The following DIRAS2 variants were observed in gnomAD, a reference collection of about 807,000 sequenced individuals.
DIRAS2 encodes the protein DIRAS family GTPase 2, also known as GTP-binding protein Di-Ras2.
A neutral mutation model predicts 13.9 loss-of-function variants in DIRAS2; 5 were observed. That is an observed-to-expected ratio of 0.36 (90% CI 0.19 to 0.76). DIRAS2 has a LOEUF of 0.76. Ranked by LOEUF, DIRAS2 falls within the 30% of genes least tolerant of loss-of-function variation. The pLI is 0.53. For missense variants in DIRAS2, 191 were observed against 263.0 expected (o/e 0.73, Z 1.89); for synonymous variants, 111 against 105.4 (o/e 1.05, Z -0.33).
chr9:90,641,297 C>T (rs1825416722), intron 1 of DIRAS2, among the ~76,000 whole-genome samples: 1 of 152,162 alleles, frequency 6.6e-6, no homozygotes. Flanking sequence ...CTACAATAAC[C>T]ATGAACACAT....
chr9:90,638,720 TG>T (rs1394800792), intron 1 of DIRAS2, among the ~76,000 whole-genome samples: 10 of 138,662 alleles, frequency 7.2e-5, no homozygotes, highest in Non-Finnish European at 1.4e-4. Context: ...AGTCTAAGTT[TG>T]TACAAAAATG....
chr9:90,613,357 G>T lies in DIRAS2; in HGVS notation c.471C>A (p.Asn157Lys). ...GCAGCTCCTGGAAAAGCTCCTTCAC[G>T]TTATGGTTGAGCTTGGCTGAGGTCT... Reference protein sequence around the residue: ...FMETSAKLNHNVKELFQELLN... With the variant: ...FMETSAKLNHKVKELFQELLN... The change falls in exon 2 of 2, where the codon AAC (asparagine) becomes AAA (lysine). Residue 157 changes from asparagine (N) to lysine (K), a missense_variant. Asn to Lys is a moderately conservative substitution (Grantham distance 94). Transcript: ENST00000375765. This position sits in a 1 kb window ranked among gnomAD's most constrained non-coding sequence, Gnocchi z 5.6. 1 of 1,614,020 alleles carries T rather than the reference G, an allele frequency of 6.2e-7. No individual in the cohort carries two copies. The highest frequency in any genetic ancestry group is 2.2e-5 in the East Asian group (1 of 44,858).
chr9:90,622,049 CGA>C (rs1825223798), intron 1 of DIRAS2, among the ~76,000 whole-genome samples: 2 of 151,960 alleles, frequency 1.3e-5, no homozygotes, highest in Non-Finnish European at 2.9e-5. Context: ...GTCAGGAGTT[CGA>C]GATCAGCCTG....
At chr9:90,640,093 C>G (rs770657992) in intron 1 of DIRAS2, among the ~76,000 whole-genome samples, 8 of 152,168 alleles carry the variant, frequency 5.3e-5, no homozygotes, top group Non-Finnish European at 1.0e-4. Flanking sequence ...TGGATTATAT[C>G]TAAATGGTCA....
Position 90,613,702 on chromosome 9 carries a change from G to T in DIRAS2, c.126C>A (p.Asp42Glu), listed in dbSNP as rs767801296. 1 of 1,613,992 alleles carries T rather than the reference G, an allele frequency of 6.2e-7. No individual in the cohort carries two copies. ...CACAGCTGATCACTTGCCGGTAGGTGTCTTCCACCGTCGGGATGTAGCTCT... is the reference window on the plus strand; with the variant it reads ...CACAGCTGATCACTTGCCGGTAGGTTTCTTCCACCGTCGGGATGTAGCTCT... The part of the protein sequence containing the change: ...FRESYIPTVE[D>E]TYRQVISCDK... The change falls in exon 2 of 2, where the codon GAC becomes GAA. Residue 42 changes from aspartate to glutamate, a missense_variant. By Grantham distance (45) the Asp-to-Glu change is conservative (BLOSUM62 2). Transcript: ENST00000375765. This position sits in a 1 kb window ranked among gnomAD's most constrained non-coding sequence, Gnocchi z 5.6.
chr9:90,620,056 A>G (rs1324758261), intron 1 of DIRAS2, among the ~76,000 whole-genome samples: 2 of 152,176 alleles, frequency 1.3e-5, no homozygotes, highest in Admixed American at 1.3e-4. Context: ...GGAAACAAGA[A>G]GTAACTGATA....
At chr9:90,632,413 C>A (rs541968301) in intron 1 of DIRAS2, among the ~76,000 whole-genome samples, 2 of 152,188 alleles carry the variant, frequency 1.3e-5, no homozygotes, top group Admixed American at 1.3e-4. Context: ...AGGCCTCACT[C>A]TCTTGCCTCC....
intron 1 of DIRAS2, among the ~76,000 whole-genome samples, chr9:90,616,132 A>G (rs1825166738): frequency 6.6e-6 from 1 of 152,234 alleles, no homozygotes; most frequent in Non-Finnish European, 1.5e-5. Context: ...TACACTCTTT[A>G]TGAGTTTGCT....
chr9:90,642,339 A>G (rs186287909), intron 1 of DIRAS2, among the ~76,000 whole-genome samples: 2 of 152,344 alleles, frequency 1.3e-5, no homozygotes, highest in African/African-American at 4.8e-5. Context: ...GTCGAGGATG[A>G]AAGCATGCCG....
intron 1 of DIRAS2, among the ~76,000 whole-genome samples, chr9:90,620,187 A>G (rs1436608913): frequency 6.6e-6 from 1 of 152,218 alleles, no homozygotes; most frequent in Non-Finnish European, 1.5e-5. Context: ...CGGGAATTAT[A>G]TCTCAGTAAA....
chr9:90,639,568 G>T (rs1825400196), intron 1 of DIRAS2, among the ~76,000 whole-genome samples: 2 of 151,624 alleles, frequency 1.3e-5, no homozygotes, highest in African/African-American at 4.9e-5. Context: ...GAATAAGGTT[G>T]AAGCAAACCC....
chr9:90,626,666 T>C (rs1825272650), intron 1 of DIRAS2, among the ~76,000 whole-genome samples: 1 of 152,132 alleles, frequency 6.6e-6, no homozygotes, highest in Non-Finnish European at 1.5e-5. Context: ...CTGAAACCCT[T>C]GTGCATTGCT....
At chr9:90,634,056 G>A (rs899435787) in intron 1 of DIRAS2, among the ~76,000 whole-genome samples, 1 of 152,212 alleles carries the variant, frequency 6.6e-6, no homozygotes, top group African/African-American at 2.4e-5. Flanking sequence ...GCAAGATCAA[G>A]TGTAAGTTCC....
intron 1 of DIRAS2, among the ~76,000 whole-genome samples, chr9:90,617,584 C>A (rs1235277670): frequency 6.6e-6 from 1 of 152,124 alleles, no homozygotes; most frequent in African/African-American, 2.4e-5. Context: ...ACAATGCAAT[C>A]AAGCACTTGA....
At position 90,611,175 on chromosome 9, in the gene DIRAS2, C is replaced by T. The variant is rs1825109585; in HGVS notation, c.*2053G>A. 1 of 152,156 alleles carries T rather than the reference C, an allele frequency of 6.6e-6. No individual in the cohort carries two copies. The highest frequency in any genetic ancestry group is 1.5e-5 in the Non-Finnish European group (1 of 68,012). The allele number at this position is 152,156 out of a possible 1,614,324, so 9.4% of individuals were successfully genotyped here. On this transcript the variant is annotated 3_prime_UTR_variant, in exon 2 of 2. Transcript: ENST00000375765. ...AAAAATGTCGGGACAAGTTGAAAAA[C>T]AAATGTTCCAGAAAATCCGCCAACT...
Position 90,613,966 on chromosome 9 carries a change from T to C in DIRAS2, c.-36-103A>G. ...TTGATAGCTTAAAAATGGGAGGTGA[T>C]AACATTTAAAATAGCGACAATTCTA... is the stretch of plus-strand genomic sequence containing the variant. On this transcript the variant is annotated intron_variant, in intron 1 of 1. Coordinates refer to ENST00000375765, the MANE Select transcript of DIRAS2 (RefSeq NM_017594.5). This position sits in a 1 kb window ranked among gnomAD's most constrained non-coding sequence, Gnocchi z 5.6. 1 of 1,163,336 alleles carries C rather than the reference T, an allele frequency of 8.6e-7. No individual in the cohort carries two copies. Among genetic ancestry groups the C allele is most frequent in the Non-Finnish European group, 1.2e-6 (1 of 847,170 alleles). The allele number at this position is 1,163,336 out of a possible 1,614,324, so 72.1% of individuals were successfully genotyped here.
chr9:90,626,403 C>T (rs1230812836), intron 1 of DIRAS2, among the ~76,000 whole-genome samples: 4 of 147,552 alleles, frequency 2.7e-5, no homozygotes, highest in Non-Finnish European at 5.9e-5. Flanking sequence ...GCCAGGAGTT[C>T]GTGTCCAGCC....
chr9:90,617,171 G>A (rs1356907131), intron 1 of DIRAS2, among the ~76,000 whole-genome samples: 1 of 152,184 alleles, frequency 6.6e-6, no homozygotes. Flanking sequence ...GCAAGTGAGT[G>A]GTGGCACTCA....
In DIRAS2 at chr9:90,611,807, C is replaced by T. The variant is rs550064811; in HGVS notation, c.*1421G>A. On this transcript the variant is annotated 3_prime_UTR_variant, in exon 2 of 2. Coordinates refer to ENST00000375765, the MANE Select transcript of DIRAS2 (RefSeq NM_017594.5). ...CAGTTGGGGCCAGTAAATGTTCTGC[C>T]AACTGAAACAAACAGGAGATCTAAC... 1 of 152,312 alleles carries T rather than the reference C, an allele frequency of 6.6e-6. No individual in the cohort carries two copies. Among genetic ancestry groups the T allele is most frequent in the East Asian group, 1.9e-4 (1 of 5,180 alleles). The allele number at this position is 152,312 out of a possible 1,614,324, so 9.4% of individuals were successfully genotyped here.
Sources: gnomAD v4.1 joint callset for allele counts (sites outside exome capture counted in the v4.1 genomes callset) on GRCh38, gnomAD v4.1.1 for gene constraint, Gnocchi (gnomAD v3.1) non-coding constraint, MANE v1.5 for transcripts, NCBI Gene and HGNC (gene_info 2026-07-23, HGNC 2026-07-21) for gene names.